PHACTR3: variants seen among roughly 807,000 people sequenced by gnomAD.
PHACTR3 encodes the protein phosphatase and actin regulator 3.
PHACTR3 carries 16 observed loss-of-function variants against 66.8 expected under a neutral mutation model. That is an observed-to-expected ratio of 0.24 (90% CI 0.16 to 0.36). The LOEUF (loss-of-function observed/expected upper bound fraction) is 0.36. PHACTR3 is among the 10% of genes least tolerant of loss of function. The pLI is 1.00. For missense variants in PHACTR3, 647 were observed against 719.9 expected, an observed-to-expected ratio of 0.90 and a Z score of 1.16; for synonymous variants, 323 against 292.1, an observed-to-expected ratio of 1.11 and a Z score of -1.08.
At chr20:59,741,377 C>G (rs1601237141) in intron 1 of PHACTR3, among the ~76,000 whole-genome samples, 1 of 152,194 alleles carries the variant, frequency 6.6e-6, no homozygotes, top group Admixed American at 6.5e-5. Flanking sequence ...GAGCACCCCA[C>G]GGGTCTGCGA....
intron 1 of PHACTR3, among the ~76,000 whole-genome samples, chr20:59,588,390 G>A (rs1234273645): frequency 2.6e-5 from 4 of 152,124 alleles, no homozygotes; most frequent in Non-Finnish European, 2.9e-5. Flanking sequence ...CTCCCTGTCC[G>A]ATGCAGCAGC....
At chr20:59,705,158 T>C (rs2037654642) in intron 1 of PHACTR3, among the ~76,000 whole-genome samples, 2 of 152,106 alleles carry the variant, frequency 1.3e-5, no homozygotes, top group African/African-American at 2.4e-5. Context: ...GGTTTTGCCA[T>C]GTTGCCCAGG....
intron 1 of PHACTR3, among the ~76,000 whole-genome samples, chr20:59,654,663 G>A (rs1008978247): frequency 2.0e-5 from 3 of 152,218 alleles, no homozygotes; most frequent in Non-Finnish European, 2.9e-5. Flanking sequence ...CTAAAGGAAC[G>A]TGTTAACAAA....
chr20:59,731,116 A>C (rs2038745375), intron 1 of PHACTR3, among the ~76,000 whole-genome samples: 1 of 152,162 alleles, frequency 6.6e-6, no homozygotes, highest in African/African-American at 2.4e-5. Flanking sequence ...CTTATGCTTT[A>C]GGTTTAGAAA....
rs1329384135 is a variant in PHACTR3, at chr20:59,604,651, C to T, written c.-364C>T. The T allele has an allele frequency of 1.9e-5, 19 of 991,574 alleles. No homozygotes were observed. The highest frequency in any genetic ancestry group is 2.3e-5 in the Non-Finnish European group (19 of 834,140). The allele number at this position is 991,574 out of a possible 1,614,324, so 61.4% of individuals were successfully genotyped here. On this transcript the variant is annotated 5_prime_UTR_variant, in exon 1 of 13. Transcript: ENST00000371015. ...CCCAGACATTCCAGGACATCACCCC[C>T]TGCCCCAAGCACGCAATAAACACTG... is the stretch of plus-strand genomic sequence containing the variant.
chr20:59,604,783 G>T lies in PHACTR3; in HGVS notation c.-232G>T, dbSNP rs1035027148. The stretch of plus-strand genomic sequence containing the variant: ...TAAATAACAAAGCGAGGCCGCGCAC[G>T]CCGGGATGCGCCTGGCTGCAGCCGG... On this transcript the variant is annotated 5_prime_UTR_variant, in exon 1 of 13. Transcript: ENST00000371015. 3 of 1,191,538 alleles carry T rather than the reference G, an allele frequency of 2.5e-6. No individual in the cohort carries two copies. In the African/African-American group the frequency reaches 4.8e-5, roughly 19 times the overall value. 73.8% of individuals were successfully genotyped at this position (1,191,538 alleles called of 1,614,324 possible). A position where few individuals can be genotyped will look rare whatever the true frequency, so the allele number is the denominator to read the frequency against.
chr20:59,697,434 G>T (rs1413561745), intron 1 of PHACTR3, among the ~76,000 whole-genome samples: 4 of 152,192 alleles, frequency 2.6e-5, no homozygotes, highest in African/African-American at 9.7e-5. Context: ...ATCCTTGCAG[G>T]CAGAGGCCCC....
intron 7 of PHACTR3, among the ~76,000 whole-genome samples, chr20:59,802,525 A>G (rs1301917720): frequency 6.6e-6 from 1 of 152,208 alleles, no homozygotes; most frequent in East Asian, 1.9e-4. Flanking sequence ...TCTCCTGAGC[A>G]TCCTTTGCTC....
chr20:59,740,915 C>T (rs143164934), intron 1 of PHACTR3, among the ~76,000 whole-genome samples: 18 of 152,352 alleles, frequency 1.2e-4, no homozygotes, highest in African/African-American at 2.2e-4. Flanking sequence ...CAGAGCAGGC[C>T]GTCCTGGGCC....
At chr20:59,842,061 A>G (rs1367169171) in intron 11 of PHACTR3, among the ~76,000 whole-genome samples, 1 of 152,162 alleles carries the variant, frequency 6.6e-6, no homozygotes, top group Non-Finnish European at 1.5e-5. Flanking sequence ...GTGCAGTTTG[A>G]GGTATCTCTG....
chr20:59,740,570 T>C (rs117092301), intron 1 of PHACTR3, among the ~76,000 whole-genome samples: 3,437 of 152,348 alleles, frequency 0.023, 65 homozygotes, highest in Non-Finnish European at 0.036. Context: ...GCATTACGAT[T>C]ACAGGCATGA....
chr20:59,678,826 C>T (rs2036540840), intron 1 of PHACTR3, among the ~76,000 whole-genome samples: 1 of 152,192 alleles, frequency 6.6e-6, no homozygotes, highest in African/African-American at 2.4e-5. Flanking sequence ...GGCACTCCTC[C>T]TCCTTCTGCC....
chr20:59,578,935 G>C (rs2032790584), intron 1 of PHACTR3, among the ~76,000 whole-genome samples: 1 of 152,176 alleles, frequency 6.6e-6, no homozygotes, highest in Admixed American at 6.5e-5. Flanking sequence ...TCCCAGTGCT[G>C]AGCTCCCAGG....
At chr20:59,757,749 C>T (rs1198735292) in intron 4 of PHACTR3, among the ~76,000 whole-genome samples, 1 of 152,194 alleles carries the variant, frequency 6.6e-6, no homozygotes, top group Non-Finnish European at 1.5e-5. Context: ...CCTAGGAGTT[C>T]AAAGTCATCC....
intron 1 of PHACTR3, among the ~76,000 whole-genome samples, chr20:59,706,142 C>T (rs1221653548): frequency 6.6e-6 from 1 of 152,176 alleles, no homozygotes; most frequent in East Asian, 1.9e-4. Context: ...GACATTAAGA[C>T]CCCACTGGCT....
At chr20:59,699,506 T>C (rs1440599251) in intron 1 of PHACTR3, among the ~76,000 whole-genome samples, 1 of 152,190 alleles carries the variant, frequency 6.6e-6, no homozygotes, top group Non-Finnish European at 1.5e-5. Context: ...GAGATTATAT[T>C]TGGTCTGGCA....
At chr20:59,613,149 T>C (rs1311164551) in intron 1 of PHACTR3, among the ~76,000 whole-genome samples, 1 of 152,184 alleles carries the variant, frequency 6.6e-6, no homozygotes, top group Non-Finnish European at 1.5e-5. Flanking sequence ...CTATCGGATA[T>C]GATTTTTAAA....
At chr20:59,749,031 A>C (rs376043608) in intron 3 of PHACTR3, among the ~76,000 whole-genome samples, 1 of 152,166 alleles carries the variant, frequency 6.6e-6, no homozygotes, top group Non-Finnish European at 1.5e-5. Flanking sequence ...TCTACATGGG[A>C]AATTGCTTCA....
intron 1 of PHACTR3, among the ~76,000 whole-genome samples, chr20:59,691,272 T>C (rs544610988): frequency 1.3e-5 from 2 of 152,336 alleles, no homozygotes; most frequent in Non-Finnish European, 2.9e-5. Context: ...GATTTTATTT[T>C]ACTCTTTATG....
Sources: gnomAD v4.1 joint callset for allele counts (sites outside exome capture counted in the v4.1 genomes callset) on GRCh38, gnomAD v4.1.1 for gene constraint, MANE v1.5 for transcripts, NCBI Gene and HGNC (gene_info 2026-07-23, HGNC 2026-07-21) for gene names.